BRINP3: variants seen among roughly 807,000 people sequenced by gnomAD.
The protein encoded by BRINP3 is BMP/retinoic acid inducible neural specific 3.
BRINP3 carries 19 observed loss-of-function variants against 71.0 expected under a neutral mutation model. The ratio of observed to expected loss-of-function variants is 0.27; its 90% CI spans 0.19 to 0.39. The LOEUF is 0.39. Among genes scored for constraint, BRINP3 ranks in the 10% least tolerant of loss-of-function variants. The pLI is 1.00. For synonymous variants in BRINP3, 380 were observed against 337.7 expected (o/e 1.13, Z -1.37); for missense variants, 959 against 940.8 (o/e 1.02, Z -0.25).
intron 6 of BRINP3, among the ~76,000 whole-genome samples, chr1:190,163,858 C>T (rs1651238022): frequency 6.6e-6 from 1 of 152,026 alleles, no homozygotes; most frequent in Non-Finnish European, 1.5e-5. Flanking sequence ...AATTTTGAAA[C>T]TAATAGCTAT....
At chr1:190,432,061 C>A (rs917799860) in intron 2 of BRINP3, among the ~76,000 whole-genome samples, 1 of 151,972 alleles carries the variant, frequency 6.6e-6, no homozygotes, top group Non-Finnish European at 1.5e-5. Flanking sequence ...CATATATATA[C>A]ACAAATAGGA....
At chr1:190,145,686 G>A (rs1192389341) in intron 7 of BRINP3, among the ~76,000 whole-genome samples, 1 of 152,052 alleles carries the variant, frequency 6.6e-6, no homozygotes, top group Non-Finnish European at 1.5e-5. Flanking sequence ...TCTACCCAAA[G>A]GAAAAGAAGT....
chr1:190,166,186 T>C (rs749236707), intron 6 of BRINP3, among the ~76,000 whole-genome samples: 4 of 152,080 alleles, frequency 2.6e-5, no homozygotes, highest in Admixed American at 6.6e-5. Context: ...ATAAAGTAAA[T>C]GGCAAGCCTG....
intron 7 of BRINP3, among the ~76,000 whole-genome samples, chr1:190,103,611 C>T (rs1483683876): frequency 6.6e-6 from 1 of 151,978 alleles, no homozygotes; most frequent in African/African-American, 2.4e-5. Flanking sequence ...CAACCCAAAA[C>T]TGTTATTAGG....
At chr1:190,283,159 C>T (rs1298766987) in intron 2 of BRINP3, among the ~76,000 whole-genome samples, 1 of 151,960 alleles carries the variant, frequency 6.6e-6, no homozygotes, top group African/African-American at 2.4e-5. Flanking sequence ...TTGGCCTGAA[C>T]ATAAATTAGA....
rs919278789 is a variant in BRINP3 at position 190,202,251 on chromosome 1, A to G, written c.961+23831T>C. Among the ~76,000 whole-genome samples the G allele has an allele frequency of 7.2e-5, 11 of 152,234 alleles. 1 individual carries two copies. The South Asian group carries it at 2.3e-3, about 32-fold the overall frequency. ...CTTTAAGATTTGACTTCCCCACTGG[A>G]TTTCAGACTTGCATGAGGCCTGTAG... On this transcript the variant is annotated intron_variant, in intron 6 of 7. Transcript: ENST00000367462.
chr1:190,270,279 C>T (rs1436176864), intron 3 of BRINP3, among the ~76,000 whole-genome samples: 1 of 151,340 alleles, frequency 6.6e-6, no homozygotes, highest in African/African-American at 2.4e-5. Flanking sequence ...AAGAAAGTTT[C>T]CTCTGAACAT....
intron 1 of BRINP3, among the ~76,000 whole-genome samples, chr1:190,473,256 A>G (rs1315547683): frequency 6.6e-6 from 1 of 151,990 alleles, no homozygotes; most frequent in Non-Finnish European, 1.5e-5. Context: ...TTCATTGACA[A>G]ATTACTTTCC....
Position 190,304,144 on chromosome 1 carries a change from AT to A in BRINP3, c.237-22395del, listed in dbSNP as rs1664928039. On this transcript the variant is annotated intron_variant, in intron 2 of 7. Transcript: ENST00000367462. ...AATTACTTTGTCATTTGTATTCTTT[AT>A]TTTCCATGCTATAAAACCAAGAACC... Among the ~76,000 whole-genome samples, 3 of 151,902 alleles carry A rather than the reference AT, an allele frequency of 2.0e-5. No individual in the cohort carries two copies. The South Asian group carries it at 6.2e-4, about 32-fold the overall frequency.
At chr1:190,454,992 C>T in intron 1 of BRINP3, 52 bp from the exon 2 acceptor site, 1 of 855,796 alleles carries the variant, frequency 1.2e-6, no homozygotes, top group Non-Finnish European at 1.8e-6. Flanking sequence ...TCCTTTCTCT[C>T]AGTTAAGGTG....
chr1:190,295,026 G>A (rs1277495280), intron 2 of BRINP3, among the ~76,000 whole-genome samples: 1 of 151,946 alleles, frequency 6.6e-6, no homozygotes, highest in Non-Finnish European at 1.5e-5. Context: ...AAGGGGTGAC[G>A]CAGGCCACCA....
At chr1:190,381,178 T>A (rs6668152) in intron 2 of BRINP3, among the ~76,000 whole-genome samples, 27,225 of 152,126 alleles carry the variant, frequency 0.18, 2,574 homozygotes, top group African/African-American at 0.23. Flanking sequence ...TATATTCTTG[T>A]CTGTTTTCTT....
At chr1:190,241,081 G>T (rs1659046131) in intron 4 of BRINP3, among the ~76,000 whole-genome samples, 2 of 151,716 alleles carry the variant, frequency 1.3e-5, no homozygotes, top group Non-Finnish European at 2.9e-5. Context: ...CTGGGCACAT[G>T]GTAGAAATTA....
intron 2 of BRINP3, among the ~76,000 whole-genome samples, chr1:190,334,112 A>C (rs1360876744): frequency 6.6e-6 from 1 of 151,916 alleles, no homozygotes; most frequent in Non-Finnish European, 1.5e-5. Context: ...ATTTGTTTAA[A>C]TAATAAAAAA....
At chr1:190,154,533 C>A (rs573871969) in intron 7 of BRINP3, among the ~76,000 whole-genome samples, 1 of 152,236 alleles carries the variant, frequency 6.6e-6, no homozygotes, top group East Asian at 1.9e-4. Context: ...GGAGAGTAAA[C>A]TACTGCTGAA....
intron 2 of BRINP3, among the ~76,000 whole-genome samples, chr1:190,388,897 T>C (rs1671075617): frequency 6.6e-6 from 1 of 151,770 alleles, no homozygotes; most frequent in Non-Finnish European, 1.5e-5. Flanking sequence ...CTTGATATTA[T>C]ATCCAAGTAG....
Position 190,288,871 on chromosome 1 carries a change from A to C in BRINP3, c.237-7121T>G, listed in dbSNP as rs1241847227. The stretch of plus-strand genomic sequence containing the variant: ...GTGTTGTTCCAGGTATAGACTAATA[A>C]GTTTAATGCTCATAAAGATAGGTAA... On this transcript the variant is annotated intron_variant, in intron 2 of 7. Transcript: ENST00000367462. Among the ~76,000 whole-genome samples the C allele has an allele frequency of 2.6e-5, 4 of 152,076 alleles. No homozygotes were observed. The East Asian group carries it at 5.8e-4, about 22-fold the overall frequency.
chr1:190,188,829 C>T (rs554174526), intron 6 of BRINP3, among the ~76,000 whole-genome samples: 169 of 151,760 alleles, frequency 1.1e-3, no homozygotes, highest in African/African-American at 2.9e-3. Flanking sequence ...GGCACGATCT[C>T]GGCTCACTGC....
chr1:190,391,076 G>T (rs1240723020), intron 2 of BRINP3, among the ~76,000 whole-genome samples: 3 of 151,772 alleles, frequency 2.0e-5, no homozygotes, highest in Admixed American at 1.3e-4. Context: ...TGCCAGTTAT[G>T]GGGAGAATTG....
Sources: gnomAD v4.1 joint callset for allele counts (sites outside exome capture counted in the v4.1 genomes callset) on GRCh38, gnomAD v4.1.1 for gene constraint, MANE v1.5 for transcripts, NCBI Gene and HGNC (gene_info 2026-07-23, HGNC 2026-07-21) for gene names.